The following IQSEC1 variants were observed in gnomAD, a reference collection of about 807,000 sequenced individuals.
The protein encoded by IQSEC1 is IQ motif and Sec7 domain ArfGEF 1.
IQSEC1 carries 31 observed loss-of-function variants against 91.0 expected under a neutral mutation model. That is an observed-to-expected ratio of 0.34 (90% CI 0.26 to 0.46). The LOEUF (loss-of-function observed/expected upper bound fraction) is 0.46. Ranked by LOEUF, IQSEC1 falls within the 20% of genes least tolerant of loss-of-function variation. IQSEC1 has a pLI of 1.00. For synonymous variants in IQSEC1, 699 were observed against 662.6 expected, an observed-to-expected ratio of 1.05 and a Z score of -0.84; for missense variants, 1,388 against 1,575.6, an observed-to-expected ratio of 0.88 and a Z score of 2.02.
chr3:13,154,091 T>C (rs960263766), intron 2 of IQSEC1, among the ~76,000 whole-genome samples: 5 of 151,846 alleles, frequency 3.3e-5, no homozygotes, highest in South Asian at 2.1e-4. Flanking sequence ...GTTATGCATA[T>C]AGAAAATCCA....
rs116041671 is a variant in IQSEC1 at position 12,963,066 on chromosome 3, C to T, written c.24-21201G>A. 9.5e-3 allele frequency among the ~76,000 whole-genome samples: 1,448 copies of T among 152,344 alleles called. 21 individuals carry two copies. The highest frequency in any genetic ancestry group is 0.033 in the African/African-American group (1,390 of 41,588). On this transcript the variant is annotated intron_variant, in intron 1 of 13. Transcript: ENST00000613206. ...TGAAGCCAGGCAGGCGGAGTTCAAA[C>T]GCTAACTCTAGCACTCTAGCAACTT...
intron 13 of IQSEC1, among the ~76,000 whole-genome samples, chr3:12,901,998 C>T (rs1428464394): frequency 1.3e-5 from 2 of 151,448 alleles, no homozygotes; most frequent in East Asian, 2.0e-4. Context: ...GTGCTCCGCC[C>T]ATGTGGGTCC....
At position 12,915,109 on chromosome 3, in the gene IQSEC1, C is replaced by G; in HGVS notation, c.2185G>C (p.Gly729Arg). ...KPIGSLHPGL[G>R]CVLSLPHRRL... ...AAAACCAGAGAAATACTCACACAGC[C>G]GAGCCCGGGATGCAGGGATCCGATC... Residue 729 changes from glycine (G) to arginine (R), a missense_variant, in exon 8 of 14, where the codon GGC becomes CGC. Physicochemically the swap from Gly to Arg is moderately radical, Grantham distance 125 (BLOSUM62 -2). Around this residue, in one of 2 missense-constraint regions of IQSEC1, gnomAD observed 1,059 missense variants for 1,317.8 expected, o/e 0.80. Transcript: ENST00000613206. 3.1e-6 allele frequency: 5 copies of G among 1,607,862 alleles called. No homozygotes were observed. The highest frequency in any genetic ancestry group is 1.1e-5 in the South Asian group (1 of 90,124).
chr3:13,269,621 C>T (rs1365627461), intron 1 of IQSEC1, among the ~76,000 whole-genome samples: 4 of 152,222 alleles, frequency 2.6e-5, no homozygotes, highest in Non-Finnish European at 4.4e-5. Context: ...GCCACAGACA[C>T]AGCCACCCCT....
Position 12,915,713 on chromosome 3 carries a change from T to G in IQSEC1, c.2041A>C (p.Ile681Leu). Residue 681 changes from isoleucine (I) to leucine (L), a missense_variant, in exon 7 of 14, where the codon ATT becomes CTT. Transcript: ENST00000613206. Reference protein sequence around the residue: ...NLRGVDDGEDIPREMLMGIYE... With the variant: ...NLRGVDDGEDLPREMLMGIYE... ...ATCCCCATCAGCATCTCACGGGGAA[T>G]GTCCTCACCATCGTCCACACCTGGG... The G allele has an allele frequency of 6.2e-7, 1 of 1,614,118 alleles. No homozygotes were observed. The highest frequency in any genetic ancestry group is 8.5e-7 in the Non-Finnish European group (1 of 1,179,988).
rs1696985363 is a variant in IQSEC1 at position 12,924,994 on chromosome 3, C to T, written c.1569-252G>A. ...TGTCCCAAAACCCAAATATGGGGGA[C>T]CTGGTACAAACACCTTCACCTAGAC... On this transcript the variant is annotated intron_variant, in intron 3 of 13. Coordinates refer to ENST00000613206, the MANE Select transcript of IQSEC1 (RefSeq NM_001134382.3). The surrounding 1 kb of genome is among the most constrained non-coding windows in gnomAD (Gnocchi z 6.3). 6.6e-6 allele frequency among the ~76,000 whole-genome samples: 1 copy of T among 152,220 alleles called. No individual in the cohort carries two copies.
intron 2 of IQSEC1, among the ~76,000 whole-genome samples, chr3:13,123,767 G>A (rs1706463430): frequency 6.6e-6 from 1 of 152,208 alleles, no homozygotes; most frequent in Non-Finnish European, 1.5e-5. Context: ...GCCTGGCTGT[G>A]CTCCCGCCCA....
At position 13,144,613 on chromosome 3, in the gene IQSEC1, G is replaced by C. The variant is rs900780185; in HGVS notation, c.302+19491C>G. ...TTTACTCCCCCTGGGCACACCAGAG[G>C]CCTTTTCAGAATGTGCAGAAAGCCC... is the stretch of plus-strand genomic sequence containing the variant. On this transcript the variant is annotated intron_variant, in intron 2 of 15. Transcript: ENST00000648114. Among the ~76,000 whole-genome samples the C allele has an allele frequency of 2.6e-5, 4 of 152,166 alleles. No individual in the cohort carries two copies. In the South Asian group the frequency reaches 8.3e-4, roughly 32 times the overall value.
intron 1 of IQSEC1, among the ~76,000 whole-genome samples, chr3:13,267,394 A>C (rs1037237589): frequency 2.0e-5 from 3 of 152,162 alleles, no homozygotes; most frequent in Admixed American, 2.0e-4. Flanking sequence ...AGTGGAGATA[A>C]AAGAAACTAC....
intron 2 of IQSEC1, among the ~76,000 whole-genome samples, chr3:13,089,253 C>A (rs867557483): frequency 6.6e-6 from 1 of 152,252 alleles, no homozygotes. Context: ...ACAATGCGAT[C>A]TGTCCATACT....
intron 6 of IQSEC1, among the ~76,000 whole-genome samples, 181 bp from the exon 7 acceptor site, chr3:12,915,914 G>C (rs1413504778): frequency 6.6e-6 from 1 of 152,198 alleles, no homozygotes; most frequent in Non-Finnish European, 1.5e-5. Context: ...CCTCCTACCA[G>C]AACGGGCCCA....
At chr3:13,122,060 A>G (rs1292082851) in intron 2 of IQSEC1, among the ~76,000 whole-genome samples, 1 of 152,212 alleles carries the variant, frequency 6.6e-6, no homozygotes, top group Non-Finnish European at 1.5e-5. Flanking sequence ...CTTCCAGTGA[A>G]GGAGGCAATA....
chr3:13,071,826 G>C (rs558554253), intron 1 of IQSEC1, among the ~76,000 whole-genome samples: 21 of 143,048 alleles, frequency 1.5e-4, no homozygotes, highest in African/African-American at 5.5e-4. Context: ...CAAACCAGAG[G>C]CCACTGCCAT....
rs1428501903 is a variant in IQSEC1, at chr3:12,899,386, T to C, written c.*1597A>G. The C allele has an allele frequency of 1.2e-6, 2 of 1,612,952 alleles. No homozygotes were observed. The highest frequency in any genetic ancestry group is 2.2e-5 in the South Asian group (2 of 91,014). ...GCCGGGGGGCAGTCCTCGGGTCCCA[T>C]GGCTTAGGAGCACAGCACTGACGGC... On this transcript the variant is annotated 3_prime_UTR_variant, in exon 14 of 14. Transcript: ENST00000613206.
chr3:13,265,841 C>G (rs1270635223), intron 1 of IQSEC1, among the ~76,000 whole-genome samples: 1 of 148,840 alleles, frequency 6.7e-6, no homozygotes, highest in Non-Finnish European at 1.5e-5. Flanking sequence ...CCACATGTAA[C>G]CACCAGAGAG....
intron 1 of IQSEC1, among the ~76,000 whole-genome samples, chr3:13,025,832 G>A (rs1282040326): frequency 6.6e-6 from 1 of 152,184 alleles, no homozygotes; most frequent in East Asian, 1.9e-4. Flanking sequence ...TCACCCACAG[G>A]AGACCAGGGT....
chr3:12,911,541 C>T, intron 10 of IQSEC1, 88 bp downstream of exon 10: 1 of 971,870 alleles, frequency 1.0e-6, no homozygotes, highest in Non-Finnish European at 1.6e-6. Flanking sequence ...CGTCGAAGCC[C>T]CCCGCGGTTC....
intron 1 of IQSEC1, among the ~76,000 whole-genome samples, chr3:13,064,263 T>G (rs1705165757): frequency 6.6e-6 from 1 of 152,184 alleles, no homozygotes; most frequent in African/African-American, 2.4e-5. Flanking sequence ...ATAGCTCCAT[T>G]ACCACAAAGA....
In IQSEC1 at chr3:12,967,472, G is replaced by C; in HGVS notation, c.24-25607C>G. 1 of 1,504,606 alleles carries C rather than the reference G, an allele frequency of 6.6e-7. No individual in the cohort carries two copies. Among genetic ancestry groups the C allele is most frequent in the East Asian group, 2.7e-5 (1 of 36,916 alleles). The allele number at this position is 1,504,606 out of a possible 1,614,324, so 93.2% of individuals were successfully genotyped here. On this transcript the variant is annotated intron_variant, in intron 1 of 13. Coordinates refer to ENST00000613206, the MANE Select transcript of IQSEC1 (RefSeq NM_001134382.3). The surrounding 1 kb of genome is among the most constrained non-coding windows in gnomAD (Gnocchi z 5.9). ...CACATGGCGGCCGCAGTGGGAGCGG[G>C]CCGGGCCGGGAGCCGGGACCCAGGC...
Sources: allele counts gnomAD v4.1 joint callset (sites outside exome capture counted in the v4.1 genomes callset), GRCh38; gene constraint gnomAD v4.1.1; regional missense constraint gnomAD v4.1.1; non-coding constraint Gnocchi (gnomAD v3.1); transcripts MANE v1.5; gene names NCBI Gene and HGNC (gene_info 2026-07-23, HGNC 2026-07-21).